Variants in C15orf40 observed in about 807,000 individuals in gnomAD.
C15orf40 encodes the protein chromosome 15 open reading frame 40.
C15orf40 carries 9 observed loss-of-function variants against 13.9 expected under a neutral mutation model. That is an observed-to-expected ratio of 0.65 (90% confidence interval 0.39 to 1.13). C15orf40 has a LOEUF of 1.13. Ranked by LOEUF, C15orf40 falls within the 50% of genes most tolerant of loss-of-function variation. The probability of loss-of-function intolerance (pLI) is 0.01; values close to 1 mark genes in which losing one functional copy is unlikely to be tolerated. For synonymous variants in C15orf40, 95 were observed against 69.2 expected, an observed-to-expected ratio of 1.37 and a Z score of -1.85; for missense variants, 225 against 188.5, an observed-to-expected ratio of 1.19 and a Z score of -1.13.
rs1567086969 is a variant in C15orf40 at position 82,995,603 on chromosome 15, GGC to G, written c.*9992_*9993del. The G allele has an allele frequency of 2.0e-5, 3 of 152,366 alleles. No homozygotes were observed. The highest frequency in any genetic ancestry group is 4.4e-5 in the Non-Finnish European group (3 of 68,216). The allele number at this position is 152,366 out of a possible 1,614,324, so 9.4% of individuals were successfully genotyped here. A position where few individuals can be genotyped will look rare whatever the true frequency, so the allele number is the denominator to read the frequency against. ...AGTTCCAGACCAGCCTGGCCAACAT[GGC>G]AAAACCCCATCTCTACTAAAAATAC... On this transcript the variant is annotated 3_prime_UTR_variant, in exon 4 of 4. Transcript: ENST00000304177.
At chr15:83,008,913 G>A (rs942250190) in intron 2 of C15orf40, among the ~76,000 whole-genome samples, 2 of 152,168 alleles carry the variant, frequency 1.3e-5, no homozygotes, top group Non-Finnish European at 2.9e-5. Flanking sequence ...CAATCTTGCC[G>A]ACCAAGATGG....
chr15:83,008,135 T>C (rs1391238631), intron 3 of C15orf40: 1 of 180,826 alleles, frequency 5.5e-6, no homozygotes, highest in African/African-American at 2.4e-5. Flanking sequence ...GAGGTAGCAG[T>C]GCGTCAAGAT....
chr15:82,989,103 T>C (rs1349545404), downstream of C15orf40: 1 of 1,613,948 alleles, frequency 6.2e-7, no homozygotes. Flanking sequence ...GTATCAGGAA[T>C]ACCTGAAACG....
Position 83,001,172 on chromosome 15 carries a change from C to G in C15orf40, c.*4425G>C. ...TGGTTATTGCTGTCCCTCCCCTAAC[C>G]GAGAGGAAAGTGTGGAATGGCTCAC... On this transcript the variant is annotated 3_prime_UTR_variant, in exon 4 of 4. Coordinates refer to ENST00000304177, the MANE Select transcript of C15orf40 (RefSeq NM_144597.3). 2 of 985,446 alleles carry G rather than the reference C, an allele frequency of 2.0e-6. No homozygotes were observed. The highest frequency in any genetic ancestry group is 2.4e-6 in the Non-Finnish European group (2 of 829,952). The allele number at this position is 985,446 out of a possible 1,614,324, so 61.0% of individuals were successfully genotyped here. A position where few individuals can be genotyped will look rare whatever the true frequency, so the allele number is the denominator to read the frequency against.
Position 83,011,375 on chromosome 15 carries a change from G to C in C15orf40, c.111+122C>G, listed in dbSNP as rs911836652. The C allele has an allele frequency of 1.0e-4, 119 of 1,168,932 alleles. 3 individuals are homozygous for C. In the South Asian group the frequency reaches 1.9e-3, roughly 19 times the overall value. 72.4% of individuals were successfully genotyped at this position (1,168,932 alleles called of 1,614,324 possible). A position where few individuals can be genotyped will look rare whatever the true frequency, so the allele number is the denominator to read the frequency against. On this transcript the variant is annotated intron_variant, in intron 1 of 3. Coordinates refer to ENST00000304177, the MANE Select transcript of C15orf40 (RefSeq NM_144597.3). ...GTGGCGGCGGCTGTCCTGAGCCCCG[G>C]AACTGAGAGACGGCAAGCCGCTGGC...
chr15:83,008,713 TTC>T, intron 2 of C15orf40, 38 bp from the exon 3 acceptor site: 1 of 1,539,344 alleles, frequency 6.5e-7, no homozygotes, highest in Admixed American at 2.2e-5. Context: ...CCTTAAGGAG[TTC>T]TTTTTCTTCA....
At position 83,000,984 on chromosome 15, in the gene C15orf40, T is replaced by C. The variant is rs1237428830; in HGVS notation, c.*4613A>G. On this transcript the variant is annotated 3_prime_UTR_variant, in exon 4 of 4. Coordinates refer to ENST00000304177, the MANE Select transcript of C15orf40 (RefSeq NM_144597.3). The stretch of plus-strand genomic sequence containing the variant: ...TGCATTGCCATGCCCAGCGAATATT[T>C]GTATTTGTAGTAGAAACAGGGTTTC... The C allele has an allele frequency of 2.8e-6, 1 of 359,572 alleles. No individual in the cohort carries two copies. The highest frequency in any genetic ancestry group is 2.2e-5 in the African/African-American group (1 of 45,046). 22.3% of individuals were successfully genotyped at this position (359,572 alleles called of 1,614,324 possible).
At position 83,005,600 on chromosome 15, in the gene C15orf40, T is replaced by C; in HGVS notation, c.459A>G (p.Thr153=). 2 of 1,609,746 alleles carry C rather than the reference T, an allele frequency of 1.2e-6. No individual in the cohort carries two copies. Among genetic ancestry groups the C allele is most frequent in the Admixed American group, 1.7e-5 (1 of 59,722 alleles). The stretch of plus-strand genomic sequence containing the variant: ...CGCCCGGCCTCATTTCTTGCTTTTA[T>C]GTTTTTTTGGCTTCCTTTTTTAATT... ...LEKLKKEAKK[T] The change falls in exon 4 of 4, where the codon ACA becomes ACG. Residue 153 remains threonine, a synonymous_variant. Transcript: ENST00000304177.
At position 83,008,498 on chromosome 15, in the gene C15orf40, G is replaced by A. The variant is rs190100140; in HGVS notation, c.366+50C>T. 24 of 1,588,860 alleles carry A rather than the reference G, an allele frequency of 1.5e-5. No homozygotes were observed. In the East Asian group the frequency reaches 2.3e-4, roughly 15 times the overall value. ...TACGCCACTGCACTCCAGCTTGGGCGACAGAGCAAGATTTTGTCTCAAAAA... is the reference window on the plus strand; with the variant it reads ...TACGCCACTGCACTCCAGCTTGGGCAACAGAGCAAGATTTTGTCTCAAAAA... On this transcript the variant is annotated intron_variant, in intron 3 of 3. Coordinates refer to ENST00000304177, the MANE Select transcript of C15orf40 (RefSeq NM_144597.3).
In C15orf40 at chr15:83,001,167, C is replaced by G. The variant is rs537688626; in HGVS notation, c.*4430G>C. ...TCCTCTGGTTATTGCTGTCCCTCCC[C>G]TAACCGAGAGGAAAGTGTGGAATGG... On this transcript the variant is annotated 3_prime_UTR_variant, in exon 4 of 4. Coordinates refer to ENST00000304177, the MANE Select transcript of C15orf40 (RefSeq NM_144597.3). 1.1e-4 allele frequency: 104 copies of G among 985,470 alleles called. 1 individual carries two copies. In the South Asian group the frequency reaches 3.7e-3, roughly 35 times the overall value. 61.0% of individuals were successfully genotyped at this position (985,470 alleles called of 1,614,324 possible). A position where few individuals can be genotyped will look rare whatever the true frequency, so the allele number is the denominator to read the frequency against.
At chr15:82,992,434 T>A (rs973480966), downstream of C15orf40, among the ~76,000 whole-genome samples, 13 of 151,900 alleles carry the variant, frequency 8.6e-5, no homozygotes, top group African/African-American at 3.1e-4. Flanking sequence ...GAGAATCACT[T>A]GAACCTGGGA....
At position 83,003,121 on chromosome 15, in the gene C15orf40, CTTTT is replaced by C. The variant is rs781626119; in HGVS notation, c.*2472_*2475del. The C allele has an allele frequency of 1.8e-4, 21 of 114,530 alleles. No homozygotes were observed. The highest frequency in any genetic ancestry group is 4.1e-4 in the African/African-American group (12 of 29,530). The allele number at this position is 114,530 out of a possible 1,614,324, so 7.1% of individuals were successfully genotyped here. The stretch of plus-strand genomic sequence containing the variant: ...CAACACGCCTGACCAAAAGTTGATC[CTTTT>C]TTTTTTTTTTTTTTTTTGAGATGGA... On this transcript the variant is annotated 3_prime_UTR_variant, in exon 4 of 4. Coordinates refer to ENST00000304177, the MANE Select transcript of C15orf40 (RefSeq NM_144597.3).
Position 83,008,650 on chromosome 15 carries a change from T to C in C15orf40, c.264A>G (p.Val88=), listed in dbSNP as rs1268234542. ...CCTCTGATGGAGGTGCTGCAATAGC[T>C]ACATTTACAGCCTCTGCTGTCAAAT... is the stretch of plus-strand genomic sequence containing the variant. ...VTDLTAEAVN[V]AIAAPPSEGE... Residue 88 remains valine (V), a synonymous_variant, in exon 3 of 4, where the codon GTA becomes GTG. Coordinates refer to ENST00000304177, the MANE Select transcript of C15orf40 (RefSeq NM_144597.3). 1.9e-6 allele frequency: 3 copies of C among 1,611,776 alleles called. No homozygotes were observed. The highest frequency in any genetic ancestry group is 3.4e-5 in the Admixed American group (2 of 59,554).
intron 3 of C15orf40, among the ~76,000 whole-genome samples, chr15:83,007,657 G>A (rs2031760171): frequency 6.6e-6 from 1 of 152,126 alleles, no homozygotes; most frequent in African/African-American, 2.4e-5. Context: ...TTGGGAGGCT[G>A]AGGTGGGCAG....
Position 83,003,151 on chromosome 15 carries a change from G to A in C15orf40, c.*2446C>T, listed in dbSNP as rs547204626. Reference sequence around the variant, plus strand: ...TTTTTTTTTTTTTTTTTGAGATGGAGTTTCGCTCCTTTTGCCCAGGCTAGA... The same window carrying A: ...TTTTTTTTTTTTTTTTTGAGATGGAATTTCGCTCCTTTTGCCCAGGCTAGA... On this transcript the variant is annotated 3_prime_UTR_variant, in exon 4 of 4. Coordinates refer to ENST00000304177, the MANE Select transcript of C15orf40 (RefSeq NM_144597.3). The A allele has an allele frequency of 7.5e-6, 1 of 133,138 alleles. No individual in the cohort carries two copies. The highest frequency in any genetic ancestry group is 8.3e-5 in the Admixed American group (1 of 12,046). The allele number at this position is 133,138 out of a possible 1,614,324, so 8.2% of individuals were successfully genotyped here.
chr15:83,005,026 T>C lies in C15orf40; in HGVS notation c.*571A>G. The C allele has an allele frequency of 2.5e-6, 3 of 1,223,156 alleles. No homozygotes were observed. The highest frequency in any genetic ancestry group is 3.2e-6 in the Non-Finnish European group (3 of 937,538). 75.8% of individuals were successfully genotyped at this position (1,223,156 alleles called of 1,614,324 possible). ...ACAGAATGAAAGGTGTTAAATCAGG[T>C]CATCTTGAATATTCTTCCCAGCTCT... is the stretch of plus-strand genomic sequence containing the variant. On this transcript the variant is annotated 3_prime_UTR_variant, in exon 4 of 4. Coordinates refer to ENST00000304177, the MANE Select transcript of C15orf40 (RefSeq NM_144597.3).
downstream of C15orf40, among the ~76,000 whole-genome samples, chr15:82,994,530 A>AT (rs1012311359): frequency 4.6e-5 from 7 of 151,950 alleles, no homozygotes; most frequent in East Asian, 1.9e-4. Context: ...AGTGAAAAGG[A>AT]TTTTTTTTAA....
rs962728234 is a variant in C15orf40 at position 83,005,297 on chromosome 15, T to G, written c.*300A>C. ...GGATGTATTTTTTATTTCTTTTTTT[T>G]CGGGGGGAGAGAGTTTCACTCTTGT... On this transcript the variant is annotated 3_prime_UTR_variant, in exon 4 of 4. Transcript: ENST00000304177. The G allele has an allele frequency of 1.7e-5, 17 of 992,804 alleles. No homozygotes were observed. The African/African-American group carries it at 2.6e-4, about 15-fold the overall frequency. The allele number at this position is 992,804 out of a possible 1,614,324, so 61.5% of individuals were successfully genotyped here.
rs2031204430 is a variant in C15orf40, at chr15:82,998,046, GACCCCCCATCTCCCT to G, written c.*7536_*7550del. On this transcript the variant is annotated 3_prime_UTR_variant, in exon 4 of 4. Coordinates refer to ENST00000304177, the MANE Select transcript of C15orf40 (RefSeq NM_144597.3). ...CACCTCCCTCCCGGACGGGGCGGCTGACCCCCCATCTCCCTCCCGGACGGGGTGGCTGGCCGGGCT... is the reference window on the plus strand; with the variant it reads ...CACCTCCCTCCCGGACGGGGCGGCTGCCCGGACGGGGTGGCTGGCCGGGCT... 1 of 145,716 alleles carries G rather than the reference GACCCCCCATCTCCCT, an allele frequency of 6.9e-6. No individual in the cohort carries two copies. Among genetic ancestry groups the G allele is most frequent in the African/African-American group, 2.6e-5 (1 of 37,892 alleles). 9.0% of individuals were successfully genotyped at this position (145,716 alleles called of 1,614,324 possible). A position where few individuals can be genotyped will look rare whatever the true frequency, so the allele number is the denominator to read the frequency against.
Sources: allele counts gnomAD v4.1 joint callset (sites outside exome capture counted in the v4.1 genomes callset), GRCh38; gene constraint gnomAD v4.1.1; transcripts MANE v1.5; gene names NCBI Gene and HGNC (gene_info 2026-07-23, HGNC 2026-07-21).